The following BNC2 variants were observed in gnomAD, a reference collection of about 807,000 sequenced individuals.
The protein encoded by BNC2 is zinc finger protein basonuclin-2.
BNC2 carries 20 observed loss-of-function variants against 76.3 expected under a neutral mutation model. The observed-to-expected ratio is 0.26, with a 90% CI of 0.18 to 0.38. The LOEUF is 0.38. Among genes scored for constraint, BNC2 ranks in the 10% least tolerant of loss-of-function variants. The pLI, the probability that BNC2 is intolerant of heterozygous loss-of-function variation, is 1.00. For synonymous variants in BNC2, 582 were observed against 514.8 expected, an observed-to-expected ratio of 1.13 and a Z score of -1.77; for missense variants, 1,382 against 1,399.8, an observed-to-expected ratio of 0.99 and a Z score of 0.20.
At chr9:16,649,495 C>T (rs974854567) in intron 3 of BNC2, among the ~76,000 whole-genome samples, 1 of 152,072 alleles carries the variant, frequency 6.6e-6, no homozygotes, top group Non-Finnish European at 1.5e-5. Context: ...AGCACTGGTG[C>T]ACAAGAGCTT....
chr9:16,773,374 C>G (rs1342067960), intron 1 of BNC2, among the ~76,000 whole-genome samples: 1 of 152,166 alleles, frequency 6.6e-6, no homozygotes, highest in Non-Finnish European at 1.5e-5. Flanking sequence ...TCCCCTCTCT[C>G]TTTCAGTGTA....
intron 5 of BNC2, among the ~76,000 whole-genome samples, chr9:16,551,332 A>G (rs1221480849): frequency 6.6e-6 from 1 of 152,160 alleles, no homozygotes; most frequent in Non-Finnish European, 1.5e-5. Flanking sequence ...CTCCTGTCCC[A>G]GCTAACAGCT....
intron 5 of BNC2, among the ~76,000 whole-genome samples, chr9:16,510,008 G>C (rs1472549729): frequency 6.6e-6 from 1 of 152,074 alleles, no homozygotes; most frequent in Non-Finnish European, 1.5e-5. Context: ...TTTTCTTCTG[G>C]TGTCTAGCAA....
At chr9:16,794,944 T>C (rs1221417576) in intron 1 of BNC2, among the ~76,000 whole-genome samples, 1 of 152,108 alleles carries the variant, frequency 6.6e-6, no homozygotes, top group Non-Finnish European at 1.5e-5. Flanking sequence ...TTTGGGCCTT[T>C]AGTGATAAGT....
chr9:16,780,057 A>T (rs1007469992), intron 1 of BNC2, among the ~76,000 whole-genome samples: 4 of 151,364 alleles, frequency 2.6e-5, no homozygotes, highest in African/African-American at 9.7e-5. Context: ...TAACATGGTG[A>T]AACCCCATCT....
chr9:16,697,089 G>A lies in BNC2; in HGVS notation c.330+30708C>T, dbSNP rs551849318. Among the ~76,000 whole-genome samples the A allele has an allele frequency of 4.6e-5, 7 of 152,220 alleles. No homozygotes were observed. In the East Asian group the frequency reaches 7.8e-4, roughly 17 times the overall value. On this transcript the variant is annotated intron_variant, in intron 3 of 6. Transcript: ENST00000380672. ...ATAAATTAAAGAGTGTGCCGTGCAC[G>A]GTGGCTCATGCCTGTAATCCCAGCA...
intron 5 of BNC2, among the ~76,000 whole-genome samples, chr9:16,539,757 AGG>A (rs1563830979): frequency 3.3e-5 from 3 of 90,436 alleles, no homozygotes; most frequent in African/African-American, 2.4e-4. Context: ...AGGGAAGGAA[AGG>A]AAAGGAAAAG....
intron 1 of BNC2, among the ~76,000 whole-genome samples, chr9:16,838,080 AGTCTG>A: frequency 6.6e-6 from 1 of 152,232 alleles, no homozygotes. Flanking sequence ...GAGCTATGCA[AGTCTG>A]ATGGCTCAGG....
intron 1 of BNC2, among the ~76,000 whole-genome samples, chr9:16,839,895 C>T (rs1168880661): frequency 6.6e-6 from 1 of 152,230 alleles, no homozygotes; most frequent in Non-Finnish European, 1.5e-5. Flanking sequence ...CACCCACCAC[C>T]ACCCCATGAC....
At chr9:16,827,819 T>C (rs1251746719) in intron 1 of BNC2, among the ~76,000 whole-genome samples, 1 of 151,892 alleles carries the variant, frequency 6.6e-6, no homozygotes, top group African/African-American at 2.4e-5. Context: ...AAAAAGAAAA[T>C]GGGCCCCTAT....
intron 2 of BNC2, 32 bp from the exon 3 acceptor site, chr9:16,728,029 T>G: frequency 6.3e-7 from 1 of 1,590,234 alleles, no homozygotes; most frequent in Non-Finnish European, 8.6e-7. Flanking sequence ...TTTGAGCCTC[T>G]TGGCAGCCAG....
chr9:16,572,951 G>A (rs1167080897), intron 4 of BNC2, among the ~76,000 whole-genome samples: 2 of 151,852 alleles, frequency 1.3e-5, no homozygotes, highest in African/African-American at 4.8e-5. Flanking sequence ...ATTTATGGCC[G>A]GGCACGGAGG....
chr9:16,800,076 TTAGCCAGGCATGG>T (rs1817745572), intron 1 of BNC2, among the ~76,000 whole-genome samples: 1 of 151,964 alleles, frequency 6.6e-6, no homozygotes, highest in African/African-American at 2.4e-5. Context: ...AATACAAAAA[TTAGCCAGGCATGG>T]TAGCAGGCGC....
At chr9:16,701,813 G>C (rs1226833467) in intron 3 of BNC2, among the ~76,000 whole-genome samples, 1 of 151,736 alleles carries the variant, frequency 6.6e-6, no homozygotes, top group Non-Finnish European at 1.5e-5. Context: ...GTGGTGGCAG[G>C]CACCTGTAAT....
chr9:16,463,543 G>A (rs962230001), intron 5 of BNC2, among the ~76,000 whole-genome samples: 3 of 143,344 alleles, frequency 2.1e-5, no homozygotes, highest in African/African-American at 6.0e-5. Context: ...TGATCCGCCC[G>A]CCTCGGCCTC....
chr9:16,636,070 A>G (rs1436928912), intron 3 of BNC2, among the ~76,000 whole-genome samples: 4 of 152,202 alleles, frequency 2.6e-5, no homozygotes, highest in Non-Finnish European at 1.5e-5. Context: ...ATATGGCAAA[A>G]TAATCTTAGG....
intron 1 of BNC2, among the ~76,000 whole-genome samples, chr9:16,863,252 C>G: frequency 6.6e-6 from 1 of 152,170 alleles, no homozygotes; most frequent in Admixed American, 6.5e-5. Context: ...CGCCCGCTGG[C>G]CAAAAGGCTG....
At chr9:16,782,514 T>C (rs1021650593) in intron 1 of BNC2, among the ~76,000 whole-genome samples, 2 of 152,156 alleles carry the variant, frequency 1.3e-5, no homozygotes, top group African/African-American at 4.8e-5. Context: ...CTGACTTCTC[T>C]ATTTTCTCTG....
At chr9:16,807,506 T>C (rs894717939) in intron 1 of BNC2, among the ~76,000 whole-genome samples, 1 of 152,100 alleles carries the variant, frequency 6.6e-6, no homozygotes, top group Non-Finnish European at 1.5e-5. Flanking sequence ...GAAGTTTTAC[T>C]GGGGAGAAGG....
Sources: allele counts gnomAD v4.1 joint callset (sites outside exome capture counted in the v4.1 genomes callset), GRCh38; gene constraint gnomAD v4.1.1; transcripts MANE v1.5; gene names NCBI Gene and HGNC (gene_info 2026-07-23, HGNC 2026-07-21).